The following CFAP73 variants were observed in gnomAD, a reference collection of about 807,000 sequenced individuals.
CFAP73 encodes the protein cilia and flagella associated protein 73, also known as cilia- and flagella-associated protein 73.
A neutral mutation model predicts 42.9 loss-of-function variants in CFAP73; 33 were observed. The ratio of observed to expected loss-of-function variants is 0.77; its 90% confidence interval spans 0.58 to 1.03. CFAP73 has a LOEUF of 1.03. Among genes scored for constraint, CFAP73 ranks in the 50% least tolerant of loss-of-function variants. CFAP73 has a pLI of 0.00. For synonymous variants in CFAP73, 162 were observed against 186.8 expected (o/e 0.87, Z 1.08); for missense variants, 392 against 411.9 (o/e 0.95, Z 0.42).
At chr12:113,155,467 T>A (rs763654372) in intron 6 of CFAP73, 49 bp downstream of exon 6, 16 of 1,498,248 alleles carry the variant, frequency 1.1e-5, no homozygotes, top group Admixed American at 6.5e-5. Context: ...ACTCCCTCTT[T>A]GGAAAAATGA....
At chr12:113,155,950 C>CA (rs2136307815) in intron 6 of CFAP73, among the ~76,000 whole-genome samples, 2 of 143,746 alleles carry the variant, frequency 1.4e-5, no homozygotes, top group East Asian at 4.1e-4. Flanking sequence ...TTTTTTGAGA[C>CA]AGAGTCTAGT....
Position 113,154,688 on chromosome 12 carries a change from G to A in CFAP73, c.690+53G>A. On this transcript the variant is annotated intron_variant, in intron 5 of 7. Transcript: ENST00000335621. This position sits in a 1 kb window ranked among gnomAD's most constrained non-coding sequence, Gnocchi z 4.7. ...TCCGGACCCCAGGCTTCCACAGCCG[G>A]GCGGGGAGGAACGCCAGGGCTGATG... 4 of 1,378,690 alleles carry A rather than the reference G, an allele frequency of 2.9e-6. No homozygotes were observed. Among genetic ancestry groups the A allele is most frequent in the Non-Finnish European group, 3.7e-6 (4 of 1,075,192 alleles). 85.4% of individuals were successfully genotyped at this position (1,378,690 alleles called of 1,614,324 possible).
intron 6 of CFAP73, 70 bp from the exon 7 acceptor site, chr12:113,157,532 G>C: frequency 3.8e-6 from 5 of 1,308,638 alleles, no homozygotes; most frequent in Non-Finnish European, 5.4e-6. Context: ...GGCCTCCCCC[G>C]CGTGTTGAGG....
rs560325512 is a variant in CFAP73, at chr12:113,153,205, C to T, written c.268-3C>T. ...GTCGTCTTCTCCCCACCGTACTCCC[C>T]AGGACTCCGAGGCCCGGCGCAATCG... On this transcript the variant is annotated splice_polypyrimidine_tract_variant and splice_region_variant and intron_variant, in intron 3 of 7. Transcript: ENST00000335621. 24 of 1,517,056 alleles carry T rather than the reference C, an allele frequency of 1.6e-5. No individual in the cohort carries two copies. The South Asian group carries it at 1.8e-4, about 12-fold the overall frequency. 94.0% of individuals were successfully genotyped at this position (1,517,056 alleles called of 1,614,324 possible). A position where few individuals can be genotyped will look rare whatever the true frequency, so the allele number is the denominator to read the frequency against.
rs1322402994 is a variant in CFAP73, at chr12:113,158,688, GTC to G, written c.*12-9_*12-8del. On this transcript the variant is annotated splice_polypyrimidine_tract_variant and intron_variant, in intron 7 of 7. Coordinates refer to ENST00000335621, the MANE Select transcript of CFAP73 (RefSeq NM_001144872.3). This position sits in a 1 kb window ranked among gnomAD's most constrained non-coding sequence, Gnocchi z 4.9. The stretch of plus-strand genomic sequence containing the variant: ...ACACCCTTCAAGGCCCTGTTCAAAT[GTC>G]TCTGTCTTAGGCTGACGCAGCTGCT... The G allele has an allele frequency of 4.6e-6, 3 of 656,166 alleles. No homozygotes were observed. The highest frequency in any genetic ancestry group is 7.4e-6 in the Non-Finnish European group (3 of 404,102). 40.6% of individuals were successfully genotyped at this position (656,166 alleles called of 1,614,324 possible).
chr12:113,152,504 G>C (rs1450787248), intron 2 of CFAP73, among the ~76,000 whole-genome samples: 1 of 152,246 alleles, frequency 6.6e-6, no homozygotes, highest in African/African-American at 2.4e-5. Context: ...AGACTGGTTG[G>C]AAGGCAAGAA....
In CFAP73 at chr12:113,154,290, G is replaced by C; in HGVS notation, c.469-124G>C. On this transcript the variant is annotated intron_variant, in intron 4 of 7. Coordinates refer to ENST00000335621, the MANE Select transcript of CFAP73 (RefSeq NM_001144872.3). This position sits in a 1 kb window ranked among gnomAD's most constrained non-coding sequence, Gnocchi z 4.7. ...GAGACCTTGTCTCTAACAAATGGAG[G>C]TTGACATTTAAGTCACTTTCCAGAA... The C allele has an allele frequency of 8.3e-7, 1 of 1,204,092 alleles. No homozygotes were observed. Among genetic ancestry groups the C allele is most frequent in the South Asian group, 1.3e-5 (1 of 75,270 alleles). 74.6% of individuals were successfully genotyped at this position (1,204,092 alleles called of 1,614,324 possible).
chr12:113,152,946 A>AG (rs1207571354), intron 3 of CFAP73, 59 bp downstream of exon 3: 1 of 1,185,552 alleles, frequency 8.4e-7, no homozygotes, highest in Non-Finnish European at 1.2e-6. Context: ...ACACTCCTAT[A>AG]GGGGCCCGGC....
intron 6 of CFAP73, 86 bp from the exon 7 acceptor site, chr12:113,157,515 AC>A: frequency 9.3e-7 from 1 of 1,071,124 alleles, no homozygotes; most frequent in Non-Finnish European, 1.4e-6. Flanking sequence ...TCCCCGCCCT[AC>A]CTTTCGGCCT....
intron 6 of CFAP73, among the ~76,000 whole-genome samples, chr12:113,156,423 G>T (rs1458293809): frequency 2.6e-5 from 4 of 151,646 alleles, no homozygotes; most frequent in Non-Finnish European, 5.9e-5. Context: ...TAAGACACGA[G>T]TCTGCCAATG....
Position 113,158,844 on chromosome 12 carries a change from C to A in CFAP73, c.*155C>A. 2 of 1,560,260 alleles carry A rather than the reference C, an allele frequency of 1.3e-6. No homozygotes were observed. Among genetic ancestry groups the A allele is most frequent in the South Asian group, 1.2e-5 (1 of 83,044 alleles). ...CGTCTGCTGATGCCCACCCTAAGGC[C>A]AATCAAGGAGCCACGGGGCTGGGTC... is the stretch of plus-strand genomic sequence containing the variant. On this transcript the variant is annotated 3_prime_UTR_variant, in exon 8 of 8. Coordinates refer to ENST00000335621, the MANE Select transcript of CFAP73 (RefSeq NM_001144872.3). The surrounding 1 kb of genome is among the most constrained non-coding windows in gnomAD (Gnocchi z 4.9).
chr12:113,157,896 G>A, intron 7 of CFAP73: 1 of 589,238 alleles, frequency 1.7e-6, no homozygotes, highest in East Asian at 2.8e-5. Context: ...GGAGGTGATG[G>A]GAAGGTCAAG....
In CFAP73 at chr12:113,159,176, G is replaced by A. The variant is rs1428060620; in HGVS notation, c.*487G>A. The A allele has an allele frequency of 2.0e-6, 3 of 1,479,532 alleles. No homozygotes were observed. The highest frequency in any genetic ancestry group is 1.4e-5 in the African/African-American group (1 of 72,026). 91.7% of individuals were successfully genotyped at this position (1,479,532 alleles called of 1,614,324 possible). ...CTCCCAAGATCCCCTCCTCCCAGAA[G>A]CTTGCAGACTCCTCCCCTGCCCCTA... On this transcript the variant is annotated 3_prime_UTR_variant, in exon 8 of 8. Coordinates refer to ENST00000335621, the MANE Select transcript of CFAP73 (RefSeq NM_001144872.3).
At chr12:113,156,208 C>T (rs570341261) in intron 6 of CFAP73, among the ~76,000 whole-genome samples, 2 of 152,190 alleles carry the variant, frequency 1.3e-5, no homozygotes, top group African/African-American at 4.8e-5. Context: ...GTGTGAGCCA[C>T]CACACCCAGC....
Position 113,152,405 on chromosome 12 carries a change from C to T in CFAP73, c.163-378C>T, listed in dbSNP as rs567502955. Among the ~76,000 whole-genome samples, 9 of 152,276 alleles carry T rather than the reference C, an allele frequency of 5.9e-5. No homozygotes were observed. The South Asian group carries it at 1.9e-3, about 32-fold the overall frequency. On this transcript the variant is annotated intron_variant, in intron 2 of 7. Transcript: ENST00000335621. ...GAGGGCTTCCTGGAGGAAGTGATGT[C>T]TTGGGGATTGCTGAAGGGCAAGTCG... is the stretch of plus-strand genomic sequence containing the variant.
chr12:113,152,856 G>T lies in CFAP73; in HGVS notation c.236G>T (p.Gly79Val). Residue 79 changes from glycine to valine, a missense_variant, in exon 3 of 8, where the codon GGA becomes GTA. Physicochemically the swap from Gly to Val is moderately radical, Grantham distance 109. Coordinates refer to ENST00000335621, the MANE Select transcript of CFAP73 (RefSeq NM_001144872.3). ...QLEQKERELK[G>V]SFIRFDKFLQ... ...GAACAAAAGGAGCGGGAGCTAAAGG[G>T]ATCGTTCATCCGCTTTGACAAGTTT... 1.9e-6 allele frequency: 3 copies of T among 1,551,684 alleles called. No homozygotes were observed. Among genetic ancestry groups the T allele is most frequent in the Non-Finnish European group, 2.6e-6 (3 of 1,146,982 alleles).
chr12:113,155,294 C>T lies in CFAP73; in HGVS notation c.725C>T (p.Ala242Val), dbSNP rs1400771098. 11 of 1,549,074 alleles carry T rather than the reference C, an allele frequency of 7.1e-6. No homozygotes were observed. The highest frequency in any genetic ancestry group is 2.5e-5 in the East Asian group (1 of 40,816). The change falls in exon 6 of 8, where the codon GCG becomes GTG. Residue 242 changes from alanine (A) to valine (V), a missense_variant. Coordinates refer to ENST00000335621, the MANE Select transcript of CFAP73 (RefSeq NM_001144872.3). The part of the protein sequence containing the change: ...SKWIQIQNTA[A>V]EKTLLLGRSR... Reference sequence around the variant, plus strand: ...TGGATTCAGATTCAGAACACAGCAGCGGAGAAGACTCTGCTCCTGGGACGC... The same window carrying T: ...TGGATTCAGATTCAGAACACAGCAGTGGAGAAGACTCTGCTCCTGGGACGC...
At position 113,158,757 on chromosome 12, in the gene CFAP73, G is replaced by T; in HGVS notation, c.*68G>T. ...ACAGTGCTCCTTTTCACAGATGATG[G>T]CTCCTGCAGGGAGTGCCCCCAGTGC... On this transcript the variant is annotated 3_prime_UTR_variant, in exon 8 of 8. Transcript: ENST00000335621. The surrounding 1 kb of genome is among the most constrained non-coding windows in gnomAD (Gnocchi z 4.9). The T allele has an allele frequency of 9.0e-7, 1 of 1,111,046 alleles. No individual in the cohort carries two copies. Among genetic ancestry groups the T allele is most frequent in the Non-Finnish European group, 1.3e-6 (1 of 794,074 alleles). 68.8% of individuals were successfully genotyped at this position (1,111,046 alleles called of 1,614,324 possible).
intron 1 of CFAP73, 24 bp downstream of exon 1, chr12:113,149,937 A>T (rs1314748610): frequency 4.6e-6 from 7 of 1,529,452 alleles, no homozygotes; most frequent in Middle Eastern, 1.7e-4. Context: ...AGAGGGAGGG[A>T]GGGCTAGAAG....
Sources: gnomAD v4.1 joint callset for allele counts (sites outside exome capture counted in the v4.1 genomes callset) on GRCh38, gnomAD v4.1.1 for gene constraint, Gnocchi (gnomAD v3.1) non-coding constraint, MANE v1.5 for transcripts, NCBI Gene and HGNC (gene_info 2026-07-23, HGNC 2026-07-21) for gene names.